Variants in TMEM177 observed in about 807,000 individuals in gnomAD.
TMEM177 encodes the protein transmembrane protein 177.
A neutral mutation model predicts 14.2 loss-of-function variants in TMEM177; 4 were observed. The observed-to-expected ratio is 0.28, with a 90% CI of 0.14 to 0.64. The LOEUF (loss-of-function observed/expected upper bound fraction) is 0.64, where lower values mean the gene tolerates loss of function less well. TMEM177 is among the 30% of genes least tolerant of loss of function. The pLI is 0.82. For missense variants in TMEM177, 344 were observed against 405.2 expected (o/e 0.85, Z 1.30); for synonymous variants, 179 against 174.5 (o/e 1.03, Z -0.20).
the TMEM177 span, among the ~76,000 whole-genome samples, chr2:119,694,956 A>C: frequency 6.6e-6 from 1 of 152,222 alleles, no homozygotes; most frequent in Non-Finnish European, 1.5e-5. Flanking sequence ...CTAAGCTAGA[A>C]GGACGTGTGG....
the TMEM177 span, among the ~76,000 whole-genome samples, chr2:119,692,791 G>A: frequency 1.3e-5 from 2 of 151,902 alleles, no homozygotes; most frequent in African/African-American, 4.8e-5. Context: ...TGACCAACAT[G>A]GTGAAACCCC....
At chr2:119,712,223 A>G in the TMEM177 span, among the ~76,000 whole-genome samples, 1 of 151,348 alleles carries the variant, frequency 6.6e-6, no homozygotes, top group East Asian at 1.9e-4. Flanking sequence ...TGATAGGTGG[A>G]TTGTTGCTGT....
At chr2:119,706,863 G>A in the TMEM177 span, among the ~76,000 whole-genome samples, 1 of 152,054 alleles carries the variant, frequency 6.6e-6, no homozygotes, top group African/African-American at 2.4e-5. Flanking sequence ...ACAGAAAGAT[G>A]TGGGAGAGTA....
the TMEM177 span, among the ~76,000 whole-genome samples, chr2:119,723,510 C>T: frequency 1.3e-5 from 2 of 152,172 alleles, no homozygotes; most frequent in African/African-American, 4.8e-5. Context: ...CAGGTTGTCA[C>T]TTGGGTGCCA....
the TMEM177 span, among the ~76,000 whole-genome samples, chr2:119,708,633 A>G: frequency 6.9e-6 from 1 of 144,908 alleles, no homozygotes; most frequent in Non-Finnish European, 1.5e-5. Flanking sequence ...CCCACTAGAC[A>G]ATCACACGCA....
chr2:119,718,895 A>G, the TMEM177 span, among the ~76,000 whole-genome samples: 1 of 152,142 alleles, frequency 6.6e-6, no homozygotes, highest in Admixed American at 6.5e-5. Flanking sequence ...CAGTTTTTTA[A>G]AATTGAAGTA....
At chr2:119,686,205 T>C (rs1689011937), downstream of TMEM177, 1 of 153,292 alleles carries the variant, frequency 6.5e-6, no homozygotes, top group African/African-American at 2.4e-5. Flanking sequence ...CAGGATTGTT[T>C]TGACGATGAA....
At chr2:119,692,563 G>T in the TMEM177 span, among the ~76,000 whole-genome samples, 5 of 152,228 alleles carry the variant, frequency 3.3e-5, no homozygotes, top group South Asian at 8.3e-4. Flanking sequence ...CTTCCCTTTG[G>T]CCTGTTCTGC....
At chr2:119,707,999 C>T in the TMEM177 span, among the ~76,000 whole-genome samples, 2 of 152,216 alleles carry the variant, frequency 1.3e-5, no homozygotes, top group Admixed American at 6.5e-5. Flanking sequence ...GCTGTGGTTT[C>T]TGTTTTGCCC....
chr2:119,693,565 T>C, the TMEM177 span, among the ~76,000 whole-genome samples: 5 of 152,136 alleles, frequency 3.3e-5, no homozygotes, highest in Non-Finnish European at 7.4e-5. Flanking sequence ...GAGGCTGCTG[T>C]CTGCACAAGC....
At chr2:119,702,031 G>T in the TMEM177 span, among the ~76,000 whole-genome samples, 1 of 152,200 alleles carries the variant, frequency 6.6e-6, no homozygotes, top group Non-Finnish European at 1.5e-5. Flanking sequence ...GCAATTTGGG[G>T]AAGTTCAGAC....
the TMEM177 span, among the ~76,000 whole-genome samples, chr2:119,692,150 C>G: frequency 1.3e-5 from 2 of 152,244 alleles, no homozygotes; most frequent in African/African-American, 4.8e-5. Context: ...GAATGCAGCC[C>G]TAAGGCTTTC....
At chr2:119,695,012 C>T in the TMEM177 span, among the ~76,000 whole-genome samples, 1 of 152,142 alleles carries the variant, frequency 6.6e-6, no homozygotes, top group Admixed American at 6.5e-5. Flanking sequence ...TGGGAGGCAG[C>T]GCTGCAAATT....
At chr2:119,682,801 G>C (rs1412856749), downstream of TMEM177, among the ~76,000 whole-genome samples, 2 of 152,200 alleles carry the variant, frequency 1.3e-5, no homozygotes, top group Non-Finnish European at 2.9e-5. Flanking sequence ...CAGCAAGGTG[G>C]GGGTAAGCTT....
In TMEM177 at chr2:119,680,952, G is replaced by C; in HGVS notation, c.99G>C (p.Ser33=). ...CAGGCCTGTTTGGAGTTCCAATCTC[G>C]TACCACCTCTTCCCGGATCCCGTGG... ...SCAGLFGVPI[S]YHLFPDPVVQ... The change falls in exon 2 of 2, where the codon TCG becomes TCC. Residue 33 remains serine, a synonymous_variant. Transcript: ENST00000272521. 1.2e-6 allele frequency: 2 copies of C among 1,614,168 alleles called. No individual in the cohort carries two copies.
chr2:119,709,685 T>C, the TMEM177 span, among the ~76,000 whole-genome samples: 18 of 151,850 alleles, frequency 1.2e-4, no homozygotes, highest in Non-Finnish European at 5.9e-5. Flanking sequence ...ATTAGCCGGG[T>C]GTAGTGGTGG....
the TMEM177 span, among the ~76,000 whole-genome samples, chr2:119,699,498 A>C: frequency 6.6e-6 from 1 of 152,088 alleles, no homozygotes; most frequent in Non-Finnish European, 1.5e-5. Context: ...ACAGGGTTCC[A>C]TTGTCTTGTT....
Position 119,681,399 on chromosome 2 carries a change from A to C in TMEM177, c.546A>C (p.Ala182=). Residue 182 remains alanine (A), a synonymous_variant, in exon 2 of 2, where the codon GCA becomes GCC. Transcript: ENST00000272521. ...LAPACLAGTW[A]LGVGAKYTLG... Reference sequence around the variant, plus strand: ...CAGCTTGCCTGGCAGGGACCTGGGCACTGGGCGTGGGTGCCAAGTACACCC... The same window carrying C: ...CAGCTTGCCTGGCAGGGACCTGGGCCCTGGGCGTGGGTGCCAAGTACACCC... 1.9e-6 allele frequency: 3 copies of C among 1,613,778 alleles called. No individual in the cohort carries two copies. The highest frequency in any genetic ancestry group is 2.5e-6 in the Non-Finnish European group (3 of 1,179,738).
In TMEM177 at chr2:119,679,206, C is replaced by T. The variant is rs1326627464; in HGVS notation, c.-93C>T. ...CCGCCCTGCCGCGCGCACATGTAGG[C>T]GTTCCGAGCGGCGGCGGAGGTGAGC... On this transcript the variant is annotated 5_prime_UTR_variant, in exon 1 of 2. Coordinates refer to ENST00000272521, the MANE Select transcript of TMEM177 (RefSeq NM_030577.3). 6.6e-6 allele frequency: 1 copy of T among 152,236 alleles called. No individual in the cohort carries two copies. The highest frequency in any genetic ancestry group is 1.5e-5 in the Non-Finnish European group (1 of 68,060). The allele number at this position is 152,236 out of a possible 1,614,324, so 9.4% of individuals were successfully genotyped here. A position where few individuals can be genotyped will look rare whatever the true frequency, so the allele number is the denominator to read the frequency against.
Sources: allele counts gnomAD v4.1 joint callset (sites outside exome capture counted in the v4.1 genomes callset), GRCh38; gene constraint gnomAD v4.1.1; transcripts MANE v1.5; gene names NCBI Gene and HGNC (gene_info 2026-07-23, HGNC 2026-07-21).